USP40: variants seen among roughly 807,000 people sequenced by gnomAD.
USP40 encodes ubiquitin specific peptidase 40, also known as ubiquitin carboxyl-terminal hydrolase 40.
Under a neutral mutation model 166.2 loss-of-function variants are expected in USP40, and 143 were observed. The ratio of observed to expected loss-of-function variants is 0.86; its 90% CI spans 0.75 to 0.99. The LOEUF is 0.99. Among genes scored for constraint, USP40 ranks in the 50% least tolerant of loss-of-function variants. USP40 has a pLI of 0.00. For synonymous variants in USP40, 498 were observed against 524.0 expected (o/e 0.95, Z 0.68); for missense variants, 1,444 against 1,479.7 (o/e 0.98, Z 0.40).
At position 233,494,930 on chromosome 2, in the gene USP40, ATATATATATATATATATATATATATT is replaced by A. The variant is rs1334663410; in HGVS notation, c.2791-1405_2791-1380del. ...AGCAAAATGGCATATATATATATATATATATATATATATATATATATATATTTATATATATATATATATATATATAC... is the reference window on the plus strand; with the variant it reads ...AGCAAAATGGCATATATATATATATATATATATATATATATATATATATAC... On this transcript the variant is annotated intron_variant, in intron 24 of 31. Coordinates refer to ENST00000678225, the MANE Select transcript of USP40 (RefSeq NM_001365479.2). Among the ~76,000 whole-genome samples, 135 of 37,610 alleles carry A rather than the reference ATATATATATATATATATATATATATT, an allele frequency of 3.6e-3. 3 individuals are homozygous for A. Among genetic ancestry groups the A allele is most frequent in the African/African-American group, 0.022 (120 of 5,530 alleles). 24.7% of individuals were successfully genotyped at this position (37,610 alleles called of 152,430 possible).
intron 18 of USP40, among the ~76,000 whole-genome samples, chr2:233,516,316 T>A (rs1036692115): frequency 1.3e-5 from 2 of 152,090 alleles, no homozygotes; most frequent in African/African-American, 4.8e-5. Flanking sequence ...AGAGTCAGCT[T>A]GTCAATTTCT....
rs539850180 is a variant in USP40 at position 233,488,226 on chromosome 2, G to A, written c.3197+13C>T. ...CGTGTGTGTCACTTCAGATGCACAG[G>A]AGAATTTCTTACCCCAAGTTTTCGC... On this transcript the variant is annotated intron_variant, in intron 28 of 31. Coordinates refer to ENST00000678225, the MANE Select transcript of USP40 (RefSeq NM_001365479.2). 2 of 1,597,254 alleles carry A rather than the reference G, an allele frequency of 1.3e-6. No individual in the cohort carries two copies. Among genetic ancestry groups the A allele is most frequent in the Admixed American group, 1.7e-5 (1 of 58,084 alleles).
intron 19 of USP40, chr2:233,512,091 T>C (rs2066880939): frequency 4.0e-6 from 1 of 251,472 alleles, no homozygotes; most frequent in Non-Finnish European, 7.5e-6. Context: ...TTATATAGAT[T>C]AAAAGCCAGA....
chr2:233,559,889 A>T lies in USP40; in HGVS notation c.303T>A (p.Phe101Leu). Residue 101 changes from phenylalanine (F) to leucine (L), a missense_variant, in exon 4 of 32, where the codon TTT becomes TTA. Transcript: ENST00000678225. ...RIIPLQLQRL[F>L]AQLLLLDQEA... ...CCTGGTCTAAGAGCAGAAGCTGAGC[A>T]AACAAGCGCTGTAACTGTAAAGGGA... The T allele has an allele frequency of 6.2e-7, 1 of 1,609,524 alleles. No individual in the cohort carries two copies. Among genetic ancestry groups the T allele is most frequent in the Non-Finnish European group, 8.5e-7 (1 of 1,177,982 alleles).
chr2:233,504,743 T>A (rs2066300444), intron 21 of USP40, among the ~76,000 whole-genome samples: 1 of 151,900 alleles, frequency 6.6e-6, no homozygotes, highest in Non-Finnish European at 1.5e-5. Flanking sequence ...GGAACAAGAC[T>A]GCAATACAAT....
chr2:233,512,085 A>G (rs980984117), intron 19 of USP40: 3 of 264,502 alleles, frequency 1.1e-5, no homozygotes, highest in African/African-American at 6.7e-5. Context: ...TGTTGTTTAT[A>G]TAGATTAAAA....
chr2:233,508,536 T>C (rs1367572149), intron 21 of USP40, among the ~76,000 whole-genome samples: 9 of 152,228 alleles, frequency 5.9e-5, no homozygotes, highest in African/African-American at 1.7e-4. Flanking sequence ...TTTTTTGCAA[T>C]AAGGGCATGG....
intron 26 of USP40, among the ~76,000 whole-genome samples, chr2:233,490,211 T>C (rs569712121): frequency 7.2e-6 from 1 of 138,356 alleles, no homozygotes; most frequent in East Asian, 2.2e-4. Context: ...TCACCCAGCC[T>C]GAAGTGCAGT....
intron 16 of USP40, 148 bp downstream of exon 16, chr2:233,523,022 C>T (rs1447955269): frequency 1.2e-5 from 11 of 907,080 alleles, no homozygotes; most frequent in South Asian, 2.0e-5. Flanking sequence ...TAACCTAAAA[C>T]ATTCCTGTAT....
At position 233,485,530 on chromosome 2, in the gene USP40, C is replaced by T. The variant is rs2064889206; in HGVS notation, c.3504+1G>A. On this transcript the variant is annotated splice_donor_variant, in intron 30 of 31. Transcript: ENST00000678225. LOFTEE classifies it high-confidence loss of function. ...GGTAAATTTGCTGTTAAACAACTTA[C>T]CTTAACACCAATAGTATCTCCGTCT... 3 of 1,612,706 alleles carry T rather than the reference C, an allele frequency of 1.9e-6. No individual in the cohort carries two copies. In the South Asian group the frequency reaches 3.3e-5, roughly 18 times the overall value.
intron 31 of USP40, among the ~76,000 whole-genome samples, chr2:233,478,964 A>G (rs1044199566): frequency 2.0e-5 from 3 of 151,964 alleles, no homozygotes; most frequent in Admixed American, 2.0e-4. Flanking sequence ...GGCTTTTGAA[A>G]GCACGTGACA....
Position 233,477,366 on chromosome 2 carries a change from G to T in USP40, c.*26C>A, listed in dbSNP as rs748554469. On this transcript the variant is annotated 3_prime_UTR_variant, in exon 32 of 32. Coordinates refer to ENST00000678225, the MANE Select transcript of USP40 (RefSeq NM_001365479.2). ...TGTGGCATCAGCCGGAGAGTTCATC[G>T]GGAGTAGAGCCGTGCAGCGGCGCGG... 3.7e-6 allele frequency: 6 copies of T among 1,604,998 alleles called. No individual in the cohort carries two copies. The Admixed American group carries it at 1.0e-4, about 27-fold the overall frequency.
intron 10 of USP40, among the ~76,000 whole-genome samples, chr2:233,538,662 C>T (rs1386177169): frequency 2.0e-5 from 3 of 152,076 alleles, no homozygotes; most frequent in African/African-American, 7.2e-5. Flanking sequence ...TATAAGAAAG[C>T]TTATATGGCT....
At chr2:233,548,494 T>C (rs548603162) in intron 8 of USP40, among the ~76,000 whole-genome samples, 1 of 152,148 alleles carries the variant, frequency 6.6e-6, no homozygotes, top group Non-Finnish European at 1.5e-5. Flanking sequence ...TTTATGATAA[T>C]GGAGTAACTG....
chr2:233,484,486 TTC>T (rs1441920150), intron 30 of USP40, among the ~76,000 whole-genome samples: 50 of 151,994 alleles, frequency 3.3e-4, no homozygotes, highest in South Asian at 1.9e-3. Flanking sequence ...TTTTTTTTTT[TTC>T]TTTTTTTTTG....
rs1231966765 is a variant in USP40 at position 233,475,822 on chromosome 2, A to AGTT, written c.*1567_*1569dup. The AGTT allele has an allele frequency of 6.6e-6, 1 of 152,442 alleles. No individual in the cohort carries two copies. Among genetic ancestry groups the AGTT allele is most frequent in the African/African-American group, 2.4e-5 (1 of 41,482 alleles). The allele number at this position is 152,442 out of a possible 1,614,324, so 9.4% of individuals were successfully genotyped here. Reference sequence around the variant, plus strand: ...AAGGCAGATGCTACAGAAATATGTCAGTTAAAGCCACAGAAACAGAACAGC... The same window carrying AGTT: ...AAGGCAGATGCTACAGAAATATGTCAGTTGTTAAAGCCACAGAAACAGAACAGC... On this transcript the variant is annotated 3_prime_UTR_variant, in exon 32 of 32. Coordinates refer to ENST00000678225, the MANE Select transcript of USP40 (RefSeq NM_001365479.2).
chr2:233,502,538 G>A (rs2066142326), intron 21 of USP40, among the ~76,000 whole-genome samples: 1 of 152,114 alleles, frequency 6.6e-6, no homozygotes, highest in East Asian at 1.9e-4. Context: ...CAGTGGCCCT[G>A]CCTCCCCAGA....
intron 30 of USP40, among the ~76,000 whole-genome samples, chr2:233,482,380 C>A (rs967380650): frequency 8.6e-5 from 13 of 150,856 alleles, no homozygotes; most frequent in African/African-American, 3.2e-4. Flanking sequence ...AAAAAAAAAT[C>A]TGTCAATTTC....
chr2:233,563,647 C>A (rs778161330), intron 2 of USP40, among the ~76,000 whole-genome samples: 28 of 152,108 alleles, frequency 1.8e-4, no homozygotes, highest in Non-Finnish European at 3.2e-4. Flanking sequence ...TAATGGAGTA[C>A]AATGGAACCC....
Sources: allele counts gnomAD v4.1 joint callset (sites outside exome capture counted in the v4.1 genomes callset), GRCh38; gene constraint gnomAD v4.1.1; transcripts MANE v1.5; gene names NCBI Gene and HGNC (gene_info 2026-07-23, HGNC 2026-07-21).